UBR4: variants seen among roughly 807,000 people sequenced by gnomAD.
UBR4 encodes the protein E3 ubiquitin-protein ligase UBR4.
Under a neutral mutation model 575.6 loss-of-function variants are expected in UBR4, and 124 were observed. That is an observed-to-expected ratio of 0.22 (90% confidence interval 0.19 to 0.25). UBR4 has a LOEUF of 0.25. Among genes scored for constraint, UBR4 ranks in the 10% least tolerant of loss-of-function variants. UBR4 has a pLI of 1.00. For missense variants in UBR4, 4,818 were observed against 6,478.8 expected (o/e 0.74, Z 8.80); for synonymous variants, 2,455 against 2,473.7 (o/e 0.99, Z 0.22).
intron 34 of UBR4, among the ~76,000 whole-genome samples, chr1:19,163,390 T>C (rs2087725384): frequency 1.3e-5 from 2 of 152,216 alleles, no homozygotes; most frequent in Admixed American, 1.3e-4. Flanking sequence ...GCTTAGCATC[T>C]GGACTAGAGC....
chr1:19,147,095 TACCTCCTCTCAAGAGAACAGGCCAA>T, intron 51 of UBR4, 95 bp from the exon 52 acceptor site: 1 of 1,385,616 alleles, frequency 7.2e-7, no homozygotes, highest in Non-Finnish European at 9.7e-7. Flanking sequence ...CCAGGATTAT[TACCTCCTCTCAAGAGAACAGGCCAA>T]TGAACACCAA....
At chr1:19,105,679 A>G in intron 84 of UBR4, 54 bp downstream of exon 84, 1 of 1,352,644 alleles carries the variant, frequency 7.4e-7, no homozygotes, top group Non-Finnish European at 1.0e-6. Context: ...GGGGAAGATG[A>G]AAAGGCTCTA....
chr1:19,168,288 G>A, intron 27 of UBR4, 104 bp from the exon 28 acceptor site: 1 of 1,124,786 alleles, frequency 8.9e-7, no homozygotes. Flanking sequence ...ACTGACGTTT[G>A]TAAACAATAG....
chr1:19,113,621 G>A, intron 77 of UBR4, 78 bp downstream of exon 77: 1 of 1,576,770 alleles, frequency 6.3e-7, no homozygotes, highest in South Asian at 1.2e-5. Flanking sequence ...CTAGATGAGA[G>A]AGCAGCAGGA....
At position 19,141,786 on chromosome 1, in the gene UBR4, A is replaced by G; in HGVS notation, c.8180-9T>C. ...ATCATCATCCTTGTCTCCTGAGTCAAAGAAACCCCAGTCACCTGAAGGTGC... is the reference window on the plus strand; with the variant it reads ...ATCATCATCCTTGTCTCCTGAGTCAGAGAAACCCCAGTCACCTGAAGGTGC... On this transcript the variant is annotated splice_polypyrimidine_tract_variant and intron_variant, in intron 55 of 105. Coordinates refer to ENST00000375254, the MANE Select transcript of UBR4 (RefSeq NM_020765.3). The G allele has an allele frequency of 6.2e-7, 1 of 1,613,684 alleles. No homozygotes were observed.
At chr1:19,086,301 C>T (rs774311930) in intron 100 of UBR4, 31 bp from the exon 101 acceptor site, 3 of 1,342,116 alleles carry the variant, frequency 2.2e-6, no homozygotes, top group South Asian at 2.4e-5. Context: ...GGACAAGCGA[C>T]TGCTGGCATT....
chr1:19,139,038 C>A lies in UBR4; in HGVS notation c.8731+45G>T. ...CCAAGCAGAGATTCCTGTTTTGTCCCCACCCTCTGCCCAAGGAGACAGGAC... is the reference window on the plus strand; with the variant it reads ...CCAAGCAGAGATTCCTGTTTTGTCCACACCCTCTGCCCAAGGAGACAGGAC... On this transcript the variant is annotated intron_variant, in intron 59 of 105. Coordinates refer to ENST00000375254, the MANE Select transcript of UBR4 (RefSeq NM_020765.3). This position sits in a 1 kb window ranked among gnomAD's most constrained non-coding sequence, Gnocchi z 4.2. The A allele has an allele frequency of 6.4e-7, 1 of 1,556,652 alleles. No homozygotes were observed. The highest frequency in any genetic ancestry group is 8.7e-7 in the Non-Finnish European group (1 of 1,146,718).
chr1:19,192,526 G>A lies in UBR4; in HGVS notation c.1158C>T (p.Asp386=). The stretch of plus-strand genomic sequence containing the variant: ...AACTGCTGATTGCTTGTCCAATCAT[G>A]TCATAGATTTCGAGCTGTACAATAT... ...TIVQKCLEIY[D]MIGQAISSSR... The change falls in exon 10 of 106, where the codon GAC becomes GAT. Residue 386 remains aspartate, a synonymous_variant. Transcript: ENST00000375254. 1.2e-6 allele frequency: 2 copies of A among 1,614,142 alleles called. No individual in the cohort carries two copies. The highest frequency in any genetic ancestry group is 8.5e-7 in the Non-Finnish European group (1 of 1,180,036).
chr1:19,132,595 T>TA (rs2082622515), intron 60 of UBR4, among the ~76,000 whole-genome samples: 2 of 23,290 alleles, frequency 8.6e-5, no homozygotes, highest in Non-Finnish European at 1.8e-4. Context: ...AAAAAAAAAG[T>TA]AAAAAATGGT....
chr1:19,174,614 T>C (rs2090020662), intron 21 of UBR4, among the ~76,000 whole-genome samples, 167 bp from the exon 22 acceptor site: 1 of 152,244 alleles, frequency 6.6e-6, no homozygotes, highest in African/African-American at 2.4e-5. Flanking sequence ...TCACACTGTT[T>C]GCAAGCTATT....
chr1:19,165,268 G>A lies in UBR4; in HGVS notation c.4293C>T (p.Phe1431=). The change falls in exon 31 of 106, where the codon TTC becomes TTT. Residue 1431 remains phenylalanine (F), a synonymous_variant. Transcript: ENST00000375254. Reference sequence around the variant, plus strand: ...ACTCACTCAGCTGGAAGAGTTTGGTGAAGAATTTCAAAACTCGGTTACAGA... The same window carrying A: ...ACTCACTCAGCTGGAAGAGTTTGGTAAAGAATTTCAAAACTCGGTTACAGA... ...AKFCNRVLKF[F]TKLFQLTEKS... 1 of 1,614,108 alleles carries A rather than the reference G, an allele frequency of 6.2e-7. No individual in the cohort carries two copies. The highest frequency in any genetic ancestry group is 8.5e-7 in the Non-Finnish European group (1 of 1,179,930).
At chr1:19,179,297 CGTTT>C (rs2090620562) in intron 17 of UBR4, 77 bp from the exon 18 acceptor site, 1 of 1,392,060 alleles carries the variant, frequency 7.2e-7, no homozygotes, top group Non-Finnish European at 9.4e-7. Flanking sequence ...TGTTCTCAAA[CGTTT>C]GTTTGTTTAA....
At chr1:19,198,458 T>C in intron 5 of UBR4, 83 bp downstream of exon 5, 1 of 1,509,298 alleles carries the variant, frequency 6.6e-7, no homozygotes, top group African/African-American at 1.4e-5. Flanking sequence ...ATCACAAACA[T>C]AAAATACATC....
In UBR4 at chr1:19,093,036, G is replaced by A; in HGVS notation, c.14112-118C>T. The A allele has an allele frequency of 2.1e-6, 2 of 969,408 alleles. No homozygotes were observed. The highest frequency in any genetic ancestry group is 3.2e-5 in the South Asian group (2 of 61,590). The allele number at this position is 969,408 out of a possible 1,614,324, so 60.1% of individuals were successfully genotyped here. A position where few individuals can be genotyped will look rare whatever the true frequency, so the allele number is the denominator to read the frequency against. ...CATGATTAACCGTGACCCTCTCCGAGTGTCATAAAGAATCACATAGAACCA... is the reference window on the plus strand; with the variant it reads ...CATGATTAACCGTGACCCTCTCCGAATGTCATAAAGAATCACATAGAACCA... On this transcript the variant is annotated intron_variant, in intron 96 of 105. Transcript: ENST00000375254. This position sits in a 1 kb window ranked among gnomAD's most constrained non-coding sequence, Gnocchi z 4.8.
In UBR4 at chr1:19,145,508, GACAC is replaced by G. The variant is rs555050832; in HGVS notation, c.7945+281_7945+284del. Among the ~76,000 whole-genome samples, 752 of 145,082 alleles carry G rather than the reference GACAC, an allele frequency of 5.2e-3. 5 individuals are homozygous for G. The highest frequency in any genetic ancestry group is 0.014 in the African/African-American group (531 of 38,674). Reference sequence around the variant, plus strand: ...TTTAAAAACAATTATAAACCACTGAGACACACACACACACACACACACACACACA... The same window carrying G: ...TTTAAAAACAATTATAAACCACTGAGACACACACACACACACACACACACA... On this transcript the variant is annotated intron_variant, in intron 53 of 105. Transcript: ENST00000375254.
intron 2 of UBR4, among the ~76,000 whole-genome samples, chr1:19,200,492 G>A (rs1410994347): frequency 6.6e-6 from 1 of 151,764 alleles, no homozygotes; most frequent in Non-Finnish European, 1.5e-5. Flanking sequence ...GGAGGCTGAG[G>A]TGGGTGGATC....
rs780449654 is a variant in UBR4, at chr1:19,086,661, G to A, written c.14687+18C>T. 2.2e-5 allele frequency: 35 copies of A among 1,612,012 alleles called. No homozygotes were observed. In the East Asian group the frequency reaches 2.9e-4, roughly 13 times the overall value. ...GCAGGCCTACTGAAGGAGCCATTCC[G>A]CAAGAGCCAGGGCCTACCTGACGGC... is the stretch of plus-strand genomic sequence containing the variant. On this transcript the variant is annotated intron_variant, in intron 100 of 105. Transcript: ENST00000375254.
chr1:19,197,332 G>C, intron 7 of UBR4, 67 bp from the exon 8 acceptor site: 1 of 1,602,918 alleles, frequency 6.2e-7, no homozygotes, highest in East Asian at 2.2e-5. Context: ...GACAGTTAAA[G>C]AAATTATCAG....
rs1057075954 is a variant in UBR4 at position 19,156,712 on chromosome 1, G to A, written c.5919+55C>T. 8 of 1,572,822 alleles carry A rather than the reference G, an allele frequency of 5.1e-6. No individual in the cohort carries two copies. The African/African-American group carries it at 9.5e-5, about 19-fold the overall frequency. Reference sequence around the variant, plus strand: ...AAAGTAGTTCTGAGAACAGGGGAGAGAAAATGACTAGAATCCACAGCTCAA... The same window carrying A: ...AAAGTAGTTCTGAGAACAGGGGAGAAAAAATGACTAGAATCCACAGCTCAA... On this transcript the variant is annotated intron_variant, in intron 41 of 105. Transcript: ENST00000375254.
Sources: allele counts gnomAD v4.1 joint callset (sites outside exome capture counted in the v4.1 genomes callset), GRCh38; gene constraint gnomAD v4.1.1; non-coding constraint Gnocchi (gnomAD v3.1); transcripts MANE v1.5; gene names NCBI Gene and HGNC (gene_info 2026-07-23, HGNC 2026-07-21).